The following SMPX variants were observed in gnomAD, a reference collection of about 807,000 sequenced individuals.
SMPX encodes the protein small muscular protein.
Under a neutral mutation model 6.3 loss-of-function variants are expected in SMPX, and 2 were observed. That is an observed-to-expected ratio of 0.32 (90% confidence interval 0.13 to 0.99). The LOEUF is 0.99. Among genes scored for constraint, SMPX ranks in the 50% least tolerant of loss-of-function variants. SMPX has a pLI of 0.49. For missense variants in SMPX, 60 were observed against 66.8 expected (o/e 0.90, Z 0.36); for synonymous variants, 32 against 24.7 (o/e 1.30, Z -0.88).
chrX:21,736,751 A>G (rs971493096), intron 4 of SMPX, among the ~76,000 whole-genome samples: 1 of 111,246 alleles, frequency 9.0e-6, no homozygotes, highest in African/African-American at 3.3e-5. Context: ...GAAATGGAAT[A>G]GATTGTACAT....
chrX:21,735,618 A>G (rs776971106), intron 4 of SMPX, among the ~76,000 whole-genome samples: 1 of 112,308 alleles, frequency 8.9e-6, no homozygotes, highest in African/African-American at 3.2e-5. Context: ...AGCTCATTTT[A>G]AAACCGCATT....
At chrX:21,736,954 A>C (rs963660231) in intron 4 of SMPX, among the ~76,000 whole-genome samples, 1 of 111,166 alleles carries the variant, frequency 9.0e-6, no homozygotes, top group Non-Finnish European at 1.9e-5. Context: ...AATAAAAATA[A>C]GGTCACAAGC....
At chrX:21,745,583 G>C (rs1405414911) in intron 2 of SMPX, among the ~76,000 whole-genome samples, 1 of 112,091 alleles carries the variant, frequency 8.9e-6, no homozygotes, top group Non-Finnish European at 1.9e-5. Flanking sequence ...GATCAAGACA[G>C]TGTAAATAAT....
chrX:21,754,332 G>A (rs770308935), intron 1 of SMPX, 30 bp from the exon 2 acceptor site: 2 of 1,082,728 alleles, frequency 1.8e-6, no homozygotes, highest in East Asian at 6.0e-5. Flanking sequence ...ACTGTTAGAG[G>A]TGGCAGCATT....
At chrX:21,742,067 C>A (rs762451056) in intron 3 of SMPX, among the ~76,000 whole-genome samples, 45 of 111,958 alleles carry the variant, frequency 4.0e-4, no homozygotes, top group Non-Finnish European at 6.8e-4. Context: ...CCATCTGTAC[C>A]ACAGGTGGAA....
At chrX:21,732,602 A>G (rs1286291836) in intron 4 of SMPX, among the ~76,000 whole-genome samples, 1 of 112,377 alleles carries the variant, frequency 8.9e-6, no homozygotes, top group Non-Finnish European at 1.9e-5. Flanking sequence ...TGTGAATTGC[A>G]GCCTTTAAAG....
chrX:21,726,476 A>G (rs995277479), intron 4 of SMPX, among the ~76,000 whole-genome samples: 1 of 112,656 alleles, frequency 8.9e-6, no homozygotes, highest in African/African-American at 3.2e-5. Flanking sequence ...ACTCACTGCT[A>G]ATAGATAGGG....
chrX:21,731,316 G>A (rs2092802872), intron 4 of SMPX, among the ~76,000 whole-genome samples: 1 of 105,334 alleles, frequency 9.5e-6, no homozygotes, highest in Non-Finnish European at 2.0e-5. Flanking sequence ...AATGTTCCAT[G>A]TACACTTGAG....
chrX:21,743,943 T>G, intron 2 of SMPX, 107 bp from the exon 3 acceptor site: 1 of 590,307 alleles, frequency 1.7e-6, no homozygotes, highest in Middle Eastern at 3.3e-4. Context: ...AAGTACATCT[T>G]CAAAGCTTTT....
intron 2 of SMPX, among the ~76,000 whole-genome samples, chrX:21,750,763 G>A (rs1330613408): frequency 8.9e-6 from 1 of 111,892 alleles, no homozygotes; most frequent in African/African-American, 3.3e-5. Context: ...CTCCTTTAAG[G>A]GTGGTTCTAG....
chrX:21,746,418 CT>C (rs909972331), intron 2 of SMPX, among the ~76,000 whole-genome samples: 2 of 111,523 alleles, frequency 1.8e-5, no homozygotes, highest in Non-Finnish European at 3.8e-5. Flanking sequence ...CTCTAAAGAG[CT>C]CTTTTCACGT....
chrX:21,713,210 C>T (rs906673079), intron 4 of SMPX, among the ~76,000 whole-genome samples: 4 of 111,676 alleles, frequency 3.6e-5, no homozygotes, highest in East Asian at 5.6e-4. Context: ...TTTTCAAAGA[C>T]GAATGGAACT....
At chrX:21,742,806 T>C (rs1189563179) in intron 3 of SMPX, among the ~76,000 whole-genome samples, 5 of 112,653 alleles carry the variant, frequency 4.4e-5, no homozygotes, top group Non-Finnish European at 9.4e-5. Context: ...TGGTAATAGA[T>C]ATTCTTTTGG....
chrX:21,755,632 T>A (rs1211419318), intron 1 of SMPX, among the ~76,000 whole-genome samples: 1 of 112,236 alleles, frequency 8.9e-6, no homozygotes, highest in Non-Finnish European at 1.9e-5. Flanking sequence ...AGATAAAAGA[T>A]CTGAAAAGAA....
At position 21,756,380 on chromosome X, in the gene SMPX, A is replaced by G. The variant is rs990138013; in HGVS notation, c.-13+1562T>C. Among the ~76,000 whole-genome samples, 4 of 112,102 alleles carry G rather than the reference A, an allele frequency of 3.6e-5. No homozygotes were observed. In the East Asian group the frequency reaches 1.1e-3, roughly 31 times the overall value. On this transcript the variant is annotated intron_variant, in intron 1 of 4. Coordinates refer to ENST00000379494, the MANE Select transcript of SMPX (RefSeq NM_014332.3). ...ATTGCTGTTTTTGTGTGAACCTCTG[A>G]GCCTCAAGAATGGATGGGCCTCGTC...
At chrX:21,748,665 G>T (rs1442047056) in intron 2 of SMPX, among the ~76,000 whole-genome samples, 1 of 112,116 alleles carries the variant, frequency 8.9e-6, no homozygotes, top group East Asian at 2.8e-4. Flanking sequence ...ACACTTAAAA[G>T]AAACCAGCAT....
At chrX:21,726,360 TC>T in intron 4 of SMPX, among the ~76,000 whole-genome samples, 1 of 112,046 alleles carries the variant, frequency 8.9e-6, no homozygotes, top group South Asian at 3.7e-4. Context: ...GACACAACAC[TC>T]AAAATGAAAA....
chrX:21,723,791 A>G (rs1209532331), intron 4 of SMPX, among the ~76,000 whole-genome samples: 1 of 111,911 alleles, frequency 8.9e-6, no homozygotes, highest in East Asian at 2.8e-4. Flanking sequence ...ACATAGTAAA[A>G]AAAGGGTGCC....
At chrX:21,715,260 CTCTGTGTGTGTG>C (rs1480709277) in intron 4 of SMPX, among the ~76,000 whole-genome samples, 9 of 77,549 alleles carry the variant, frequency 1.2e-4, no homozygotes, top group African/African-American at 4.3e-4. Flanking sequence ...ACTCACTCTG[CTCTGTGTGTGTG>C]TGTGTGTGTG....
Sources: gnomAD v4.1 joint callset for allele counts (sites outside exome capture counted in the v4.1 genomes callset) on GRCh38, gnomAD v4.1.1 for gene constraint, MANE v1.5 for transcripts, NCBI Gene and HGNC (gene_info 2026-07-23, HGNC 2026-07-21) for gene names.